Variants in ANXA11 observed in about 807,000 individuals in gnomAD.
ANXA11 encodes annexin A11.
In ANXA11, 57 loss-of-function variants were observed where a neutral mutation model predicts 64.7. The ratio of observed to expected loss-of-function variants is 0.88; its 90% CI spans 0.71 to 1.10. The LOEUF (loss-of-function observed/expected upper bound fraction) is 1.10, where lower values mean the gene tolerates loss of function less well. ANXA11 is among the 50% of genes least tolerant of loss of function. The pLI, the probability that ANXA11 is intolerant of heterozygous loss-of-function variation, is 0.00. For missense variants in ANXA11, 675 were observed against 670.7 expected, an observed-to-expected ratio of 1.01 and a Z score of -0.07; for synonymous variants, 260 against 265.2, an observed-to-expected ratio of 0.98 and a Z score of 0.19.
chr10:80,162,115 A>T (rs998157297), intron 11 of ANXA11, 87 bp from the exon 12 acceptor site: 19 of 1,168,364 alleles, frequency 1.6e-5, no homozygotes, highest in Non-Finnish European at 2.3e-5. Flanking sequence ...TAAACTTCTG[A>T]AGGTTTGAGC....
Position 80,166,034 on chromosome 10 carries a change from A to G in ANXA11, c.858+50T>C, listed in dbSNP as rs866762909. On this transcript the variant is annotated intron_variant, in intron 8 of 15. Coordinates refer to ENST00000422982, the MANE Select transcript of ANXA11 (RefSeq NM_145868.2). ...TCCACACGCATGCGCGCGTGCGCAC[A>G]CACGCGCGCACACACACACACACAC... 1.8e-3 allele frequency: 1,773 copies of G among 958,458 alleles called. 7 individuals are homozygous for G. Among genetic ancestry groups the G allele is most frequent in the African/African-American group, 0.018 (511 of 29,140 alleles). The allele number at this position is 958,458 out of a possible 1,614,324, so 59.4% of individuals were successfully genotyped here. A position where few individuals can be genotyped will look rare whatever the true frequency, so the allele number is the denominator to read the frequency against.
Position 80,154,512 on chromosome 10 carries a change from GAGCCAT to G in ANXA11, c.*1335_*1340del, listed in dbSNP as rs1845217098. On this transcript the variant is annotated 3_prime_UTR_variant, in exon 16 of 16. Coordinates refer to ENST00000422982, the MANE Select transcript of ANXA11 (RefSeq NM_145868.2). ...CCCAAAGTCCTTGGATTACAGGCGT[GAGCCAT>G]AGTGCCTAGTCGATTCTCTCTTTTC... 2 of 152,414 alleles carry G rather than the reference GAGCCAT, an allele frequency of 1.3e-5. No individual in the cohort carries two copies. The highest frequency in any genetic ancestry group is 4.1e-4 in the South Asian group (2 of 4,832). 9.4% of individuals were successfully genotyped at this position (152,414 alleles called of 1,614,324 possible).
At chr10:80,201,183 C>T (rs1027602235) in intron 1 of ANXA11, among the ~76,000 whole-genome samples, 2 of 152,140 alleles carry the variant, frequency 1.3e-5, no homozygotes, top group African/African-American at 4.8e-5. Flanking sequence ...GCAGTGAAGG[C>T]AGCCACATCT....
intron 12 of ANXA11, among the ~76,000 whole-genome samples, chr10:80,161,091 A>C (rs1431885901): frequency 6.6e-6 from 1 of 152,068 alleles, no homozygotes; most frequent in Admixed American, 6.5e-5. Context: ...GGGATTCTGC[A>C]CAGCCTCCTC....
At position 80,169,324 on chromosome 10, in the gene ANXA11, T is replaced by C; in HGVS notation, c.206A>G (p.Asn69Ser). 6.2e-7 allele frequency: 1 copy of C among 1,609,666 alleles called. No individual in the cohort carries two copies. Among genetic ancestry groups the C allele is most frequent in the Non-Finnish European group, 8.5e-7 (1 of 1,179,824 alleles). Reference sequence around the variant, plus strand: ...GGCCCCAGGGTACAGGTTGGGCATGTTGGCTCCTCCAAATGTCCCAGACAT... The same window carrying C: ...GGCCCCAGGGTACAGGTTGGGCATGCTGGCTCCTCCAAATGTCCCAGACAT... Reference protein sequence around the residue: ...ANMSGTFGGANMPNLYPGAPG... With the variant: ...ANMSGTFGGASMPNLYPGAPG... Residue 69 changes from asparagine to serine, a missense_variant, in exon 5 of 16, where the codon AAC (asparagine) becomes AGC (serine). By Grantham distance (46) the Asn-to-Ser change is conservative (BLOSUM62 1). Transcript: ENST00000422982.
chr10:80,187,408 C>T (rs1485531650), intron 1 of ANXA11, among the ~76,000 whole-genome samples: 2 of 152,230 alleles, frequency 1.3e-5, no homozygotes, highest in African/African-American at 4.8e-5. Context: ...CTGGCACCTT[C>T]ATCTTCAACT....
At chr10:80,197,931 A>T (rs1267021266) in intron 1 of ANXA11, among the ~76,000 whole-genome samples, 1 of 152,008 alleles carries the variant, frequency 6.6e-6, no homozygotes. Flanking sequence ...CTCAAAAAAA[A>T]AAAAATAACC....
At position 80,154,465 on chromosome 10, in the gene ANXA11, A is replaced by C. The variant is rs1475227466; in HGVS notation, c.*1388T>G. ...GGCTAGTCTTGAACTCCTGAGCTCA[A>C]GTGATCCTCTCACCTCAGCTTCCCA... On this transcript the variant is annotated 3_prime_UTR_variant, in exon 16 of 16. Transcript: ENST00000422982. 6.6e-6 allele frequency: 1 copy of C among 152,252 alleles called. No homozygotes were observed. The highest frequency in any genetic ancestry group is 1.5e-5 in the Non-Finnish European group (1 of 68,088). 9.4% of individuals were successfully genotyped at this position (152,252 alleles called of 1,614,324 possible).
At chr10:80,176,527 A>AT (rs1387091126) in intron 1 of ANXA11, among the ~76,000 whole-genome samples, 1 of 152,186 alleles carries the variant, frequency 6.6e-6, no homozygotes, top group Non-Finnish European at 1.5e-5. Flanking sequence ...TTCCCTGTGC[A>AT]TTTCTGCTGC....
chr10:80,188,689 C>T (rs939407916), intron 1 of ANXA11, among the ~76,000 whole-genome samples: 1 of 150,662 alleles, frequency 6.6e-6, no homozygotes, highest in Non-Finnish European at 1.5e-5. Flanking sequence ...ATGTACCCCA[C>T]CTACCTTGGA....
chr10:80,176,610 C>T (rs1846177698), intron 1 of ANXA11, among the ~76,000 whole-genome samples: 1 of 151,958 alleles, frequency 6.6e-6, no homozygotes, highest in Non-Finnish European at 1.5e-5. Context: ...TCACTTGAGG[C>T]TAGCCGTCTG....
At chr10:80,174,910 C>T (rs1325617828) in intron 2 of ANXA11, among the ~76,000 whole-genome samples, 5 of 152,212 alleles carry the variant, frequency 3.3e-5, no homozygotes, top group Non-Finnish European at 7.3e-5. Context: ...CACCGGTCCC[C>T]ATAGGGTGGG....
chr10:80,168,825 C>T, intron 5 of ANXA11, 144 bp downstream of exon 5: 1 of 994,088 alleles, frequency 1.0e-6, no homozygotes, highest in Non-Finnish European at 1.4e-6. Context: ...GCATGAGTCA[C>T]TGCACCCGGC....
intron 15 of ANXA11, chr10:80,157,155 G>A: frequency 1.0e-6 from 1 of 972,332 alleles, no homozygotes; most frequent in African/African-American, 1.8e-5. Flanking sequence ...GAGATTTAAG[G>A]GAGCCATTCA....
At chr10:80,192,083 G>GAT (rs1377542602) in intron 1 of ANXA11, among the ~76,000 whole-genome samples, 7 of 152,160 alleles carry the variant, frequency 4.6e-5, no homozygotes, top group Non-Finnish European at 1.0e-4. Context: ...AGTTCTCTAG[G>GAT]ATGATTCTTT....
At chr10:80,167,590 G>A (rs534432433) in intron 5 of ANXA11, among the ~76,000 whole-genome samples, 1 of 152,260 alleles carries the variant, frequency 6.6e-6, no homozygotes, top group African/African-American at 2.4e-5. Context: ...CAGTGCCCAG[G>A]TCCTCCAGGG....
chr10:80,173,334 T>C (rs1417400410), intron 2 of ANXA11, among the ~76,000 whole-genome samples: 1 of 152,186 alleles, frequency 6.6e-6, no homozygotes, highest in Non-Finnish European at 1.5e-5. Context: ...GAGGCCCCTG[T>C]CTCTCTTCAT....
Position 80,166,096 on chromosome 10 carries a change from C to A in ANXA11, c.846G>T (p.Lys282Asn). ...TPVLFDIYEI[K>N]EAIKGVGTDE... ...CACACGTACACACCTTGATGGCTTC[C>A]TTTATCTCATAAATGTCAAAGAGGA... The change falls in exon 8 of 16, where the codon AAG becomes AAT. Residue 282 changes from lysine to asparagine, a missense_variant. Lys to Asn is a moderately conservative substitution (Grantham distance 94, BLOSUM62 0). Transcript: ENST00000422982. 6.3e-7 allele frequency: 1 copy of A among 1,598,652 alleles called. No individual in the cohort carries two copies. Among genetic ancestry groups the A allele is most frequent in the Non-Finnish European group, 8.6e-7 (1 of 1,167,160 alleles).
In ANXA11 at chr10:80,153,372, T is replaced by C. The variant is rs976896133; in HGVS notation, c.*2481A>G. On this transcript the variant is annotated 3_prime_UTR_variant, in exon 16 of 16. Coordinates refer to ENST00000422982, the MANE Select transcript of ANXA11 (RefSeq NM_145868.2). The stretch of plus-strand genomic sequence containing the variant: ...AATATGAAATCTCTCAATGTTTAAA[T>C]GTTGGCAACAAATTCAAATGTCTAA... 1 of 152,226 alleles carries C rather than the reference T, an allele frequency of 6.6e-6. No individual in the cohort carries two copies. The highest frequency in any genetic ancestry group is 1.5e-5 in the Non-Finnish European group (1 of 68,034). The allele number at this position is 152,226 out of a possible 1,614,324, so 9.4% of individuals were successfully genotyped here. A position where few individuals can be genotyped will look rare whatever the true frequency, so the allele number is the denominator to read the frequency against.
Sources: allele counts gnomAD v4.1 joint callset (sites outside exome capture counted in the v4.1 genomes callset), GRCh38; gene constraint gnomAD v4.1.1; transcripts MANE v1.5; gene names NCBI Gene and HGNC (gene_info 2026-07-23, HGNC 2026-07-21).